The following BAIAP3 variants were observed in gnomAD, a reference collection of about 807,000 sequenced individuals.
The protein encoded by BAIAP3 is BAI1-associated protein 3.
A neutral mutation model predicts 149.7 loss-of-function variants in BAIAP3; 180 were observed. That is an observed-to-expected ratio of 1.20 (90% CI 1.07 to 1.36). The LOEUF is 1.36. Among genes scored for constraint, BAIAP3 ranks in the 40% most tolerant of loss-of-function variants. The pLI is 0.00. For synonymous variants in BAIAP3, 845 were observed against 670.7 expected (o/e 1.26, Z -4.02); for missense variants, 1,767 against 1,563.4 (o/e 1.13, Z -2.20).
At position 1,345,371 on chromosome 16, in the gene BAIAP3, C is replaced by T. The variant is rs148131174; in HGVS notation, c.2063C>T (p.Thr688Met). ...CTTCAGGGAGCCGTGGACATGGACA[C>T]GGTGACAGCTGCCCTGGCCTGAGGA... ...WRLQGAVDMD[T>M]LEPVDASSRH... The change falls in exon 22 of 34, where the codon ACG becomes ATG. Residue 688 changes from threonine to methionine, a missense_variant and splice_region_variant. By Grantham distance (81) the Thr-to-Met change is moderately conservative (BLOSUM62 -1). Coordinates refer to ENST00000426824, the MANE Select transcript of BAIAP3 (RefSeq NM_001199097.2). The T allele has an allele frequency of 1.2e-5, 20 of 1,611,502 alleles. No individual in the cohort carries two copies. The highest frequency in any genetic ancestry group is 4.0e-5 in the African/African-American group (3 of 74,780).
chr16:1,336,180 C>G, intron 1 of BAIAP3: 2 of 984,286 alleles, frequency 2.0e-6, no homozygotes, highest in Non-Finnish European at 2.4e-6. Flanking sequence ...GGCAACAGCT[C>G]CAGCAGCGGC....
chr16:1,344,772 G>A, intron 19 of BAIAP3, 26 bp from the exon 20 acceptor site: 1 of 1,613,782 alleles, frequency 6.2e-7, no homozygotes, highest in Non-Finnish European at 8.5e-7. Context: ...GGCGCAGGTG[G>A]ATGAGGTGTG....
In BAIAP3 at chr16:1,341,072, A is replaced by G. The variant is rs1430701913; in HGVS notation, c.469-57A>G. 16 of 1,611,088 alleles carry G rather than the reference A, an allele frequency of 9.9e-6. No individual in the cohort carries two copies. The East Asian group carries it at 3.3e-4, about 34-fold the overall frequency. ...AGGCCCTGTCACCTCCATGCTAAGT[A>G]GGGCATCTGGGGGGCAGCTCAGCCT... On this transcript the variant is annotated intron_variant, in intron 6 of 33. Coordinates refer to ENST00000426824, the MANE Select transcript of BAIAP3 (RefSeq NM_001199097.2).
Position 1,345,740 on chromosome 16 carries a change from T to C in BAIAP3, c.2065-7T>C, listed in dbSNP as rs1596585787. The C allele has an allele frequency of 8.0e-7, 1 of 1,249,314 alleles. No homozygotes were observed. The highest frequency in any genetic ancestry group is 1.0e-6 in the Non-Finnish European group (1 of 979,312). 77.4% of individuals were successfully genotyped at this position (1,249,314 alleles called of 1,614,324 possible). A position where few individuals can be genotyped will look rare whatever the true frequency, so the allele number is the denominator to read the frequency against. The stretch of plus-strand genomic sequence containing the variant: ...CCCAGCAAACCCAGCCTCCCCTGCC[T>C]CCCTAGCTGGAGCCCGTGGACGCCT... On this transcript the variant is annotated splice_polypyrimidine_tract_variant and splice_region_variant and intron_variant, in intron 22 of 33. Transcript: ENST00000426824.
In BAIAP3 at chr16:1,338,969, C is replaced by T; in HGVS notation, c.199C>T (p.Gln67Ter). ...RLMLKKGEGRQGLPCLEVPLR... is the reference protein window; with the variant it reads ...RLMLKKGEGR ...CATGCTGAAGAAGGGGGAAGGCAGA[C>T]AGGGCTTGCCGTGCCTCGAGGTAAG... Residue 67 changes from glutamine (Q) to a stop codon, truncating the protein, a stop_gained, in exon 3 of 34, where the codon CAG (glutamine) becomes TAG (stop). Transcript: ENST00000426824. LOFTEE classifies it high-confidence loss of function. The T allele has an allele frequency of 6.2e-7, 1 of 1,613,026 alleles. No individual in the cohort carries two copies. The highest frequency in any genetic ancestry group is 1.1e-5 in the South Asian group (1 of 91,090).
chr16:1,345,869 G>C lies in BAIAP3; in HGVS notation c.2187G>C (p.Gly729=). The part of the protein sequence containing the change: ...LAWPDPAQAQ[G]LGTQLGQDVC... ...GGCCTGACCCTGCCCAGGCTCAGGG[G>C]CTGGGCACCCAGCTTGGCCAGGTGT... Residue 729 remains glycine (G), a synonymous_variant, in exon 23 of 34, where the codon GGG becomes GGC. Coordinates refer to ENST00000426824, the MANE Select transcript of BAIAP3 (RefSeq NM_001199097.2). 1 of 1,578,904 alleles carries C rather than the reference G, an allele frequency of 6.3e-7. No individual in the cohort carries two copies. Among genetic ancestry groups the C allele is most frequent in the Admixed American group, 1.8e-5 (1 of 54,234 alleles).
rs996091456 is a variant in BAIAP3 at position 1,344,383 on chromosome 16, C to T, written c.1602+66C>T. ...CCCTTCCCCTTCCCTGCCTTCCCGT[C>T]CCCTGCACCTCTGCACCACGGTCTC... is the stretch of plus-strand genomic sequence containing the variant. On this transcript the variant is annotated intron_variant, in intron 17 of 33. Coordinates refer to ENST00000426824, the MANE Select transcript of BAIAP3 (RefSeq NM_001199097.2). The T allele has an allele frequency of 1.8e-5, 29 of 1,609,278 alleles. 1 individual carries two copies. In the South Asian group the frequency reaches 2.3e-4, roughly 13 times the overall value.
intron 5 of BAIAP3, among the ~76,000 whole-genome samples, 190 bp from the exon 6 acceptor site, chr16:1,340,732 C>G (rs1431304340): frequency 6.6e-6 from 1 of 152,268 alleles, no homozygotes; most frequent in Admixed American, 6.5e-5. Flanking sequence ...TCATCACACC[C>G]ACCATCTCTG....
Position 1,349,073 on chromosome 16 carries a change from C to G in BAIAP3, c.*591C>G, listed in dbSNP as rs1353217225. The G allele has an allele frequency of 3.1e-6, 1 of 327,534 alleles. No homozygotes were observed. Among genetic ancestry groups the G allele is most frequent in the African/African-American group, 2.2e-5 (1 of 46,360 alleles). 20.3% of individuals were successfully genotyped at this position (327,534 alleles called of 1,614,324 possible). A position where few individuals can be genotyped will look rare whatever the true frequency, so the allele number is the denominator to read the frequency against. On this transcript the variant is annotated 3_prime_UTR_variant, in exon 34 of 34. Transcript: ENST00000426824. Reference sequence around the variant, plus strand: ...GGTCACTCTGAGGCCAGGGACGTCACCCAAGGCTGGTGGTCAGTGTGAAGG... The same window carrying G: ...GGTCACTCTGAGGCCAGGGACGTCAGCCAAGGCTGGTGGTCAGTGTGAAGG...
At chr16:1,339,112 G>C in intron 3 of BAIAP3, 52 bp from the exon 4 acceptor site, 1 of 1,579,490 alleles carries the variant, frequency 6.3e-7, no homozygotes. Context: ...CCCTGCTGCA[G>C]GCCTGGGGCT....
chr16:1,344,845 G>A lies in BAIAP3; in HGVS notation c.1805G>A (p.Arg602His), dbSNP rs373118062. 1.5e-4 allele frequency: 248 copies of A among 1,613,640 alleles called. No individual in the cohort carries two copies. The highest frequency in any genetic ancestry group is 2.0e-4 in the Non-Finnish European group (231 of 1,180,036). The part of the protein sequence containing the change: ...VFTLTFRQLE[R>H]LVAEEAWVLT... ...ACCCTGACCTTCCGGCAGCTGGAGC[G>A]TCTGGTGAGGAGGGTCCCTGACCCC... is the stretch of plus-strand genomic sequence containing the variant. The change falls in exon 20 of 34, where the codon CGT becomes CAT. Residue 602 changes from arginine (R) to histidine (H), a missense_variant. By Grantham distance (29) the Arg-to-His change is conservative. Transcript: ENST00000426824.
chr16:1,334,753 G>A (rs1032312280), intron 1 of BAIAP3: 1 of 1,551,626 alleles, frequency 6.4e-7, no homozygotes, highest in Non-Finnish European at 8.7e-7. Flanking sequence ...ATCTGGAGGA[G>A]TCGGTGAGAC....
rs1190625046 is a variant in BAIAP3, at chr16:1,344,705, C to T, written c.1757+7C>T. 6.2e-7 allele frequency: 1 copy of T among 1,613,306 alleles called. No homozygotes were observed. The highest frequency in any genetic ancestry group is 8.5e-7 in the Non-Finnish European group (1 of 1,179,982). ...ACGCCAGCCTCTTCCACAGGTGGGC[C>T]TGGCCCCTCAGTGCTGTCCTGGGGC... On this transcript the variant is annotated splice_region_variant and intron_variant, in intron 19 of 33. Transcript: ENST00000426824.
Position 1,346,650 on chromosome 16 carries a change from C to A in BAIAP3, c.2608C>A (p.Leu870Met). The change falls in exon 27 of 34, where the codon CTG becomes ATG. Residue 870 changes from leucine to methionine, a missense_variant. Coordinates refer to ENST00000426824, the MANE Select transcript of BAIAP3 (RefSeq NM_001199097.2). ...MKYLDEKLAL[L>M]NASLVKGNLS... ...GTACCTGGATGAGAAGCTGGCCCTG[C>A]TGAACGCCTCGCTGGTGAAGGGGAA... is the stretch of plus-strand genomic sequence containing the variant. The A allele has an allele frequency of 4.0e-6, 6 of 1,518,692 alleles. No individual in the cohort carries two copies. The East Asian group carries it at 1.3e-4, about 32-fold the overall frequency. The allele number at this position is 1,518,692 out of a possible 1,614,324, so 94.1% of individuals were successfully genotyped here.
rs774376877 is a variant in BAIAP3, at chr16:1,348,510, GC to G, written c.*33del. On this transcript the variant is annotated 3_prime_UTR_variant, in exon 34 of 34. Transcript: ENST00000426824. ...CCATCAGCTGCCAGCCCCGGCCCTG[GC>G]CCCCACCCCAAGTTCCCTGAAGCAT... 5 of 1,578,876 alleles carry G rather than the reference GC, an allele frequency of 3.2e-6. No individual in the cohort carries two copies. In the South Asian group the frequency reaches 5.8e-5, roughly 18 times the overall value.
intron 21 of BAIAP3, 29 bp from the exon 22 acceptor site, chr16:1,345,220 G>C: frequency 4.3e-6 from 7 of 1,611,460 alleles, no homozygotes; most frequent in Non-Finnish European, 5.9e-6. Context: ...CTGAGTCAGG[G>C]CCGAGCCCTC....
At chr16:1,343,354 C>T (rs1239638882) in intron 14 of BAIAP3, 39 bp from the exon 15 acceptor site, 4 of 1,564,304 alleles carry the variant, frequency 2.6e-6, no homozygotes, top group East Asian at 4.7e-5. Flanking sequence ...ATGGCAGGGG[C>T]GGGGTTCATA....
intron 8 of BAIAP3, 52 bp downstream of exon 8, chr16:1,341,541 G>A (rs754180564): frequency 3.8e-6 from 6 of 1,563,946 alleles, no homozygotes; most frequent in African/African-American, 1.4e-5. Context: ...CTGGGGTCCA[G>A]AGCTGGGCTG....
chr16:1,347,033 C>T, intron 28 of BAIAP3, 78 bp downstream of exon 28: 1 of 1,340,164 alleles, frequency 7.5e-7, no homozygotes, highest in South Asian at 1.3e-5. Flanking sequence ...TCCCCACTGG[C>T]CTGCCTGGTC....
Sources: allele counts gnomAD v4.1 joint callset (sites outside exome capture counted in the v4.1 genomes callset), GRCh38; gene constraint gnomAD v4.1.1; transcripts MANE v1.5; gene names NCBI Gene and HGNC (gene_info 2026-07-23, HGNC 2026-07-21).